Variants in SNX22 observed in about 807,000 individuals in gnomAD.
SNX22 encodes the protein sorting nexin 22, also known as sorting nexin-22.
A neutral mutation model predicts 24.7 loss-of-function variants in SNX22; 23 were observed. The ratio of observed to expected loss-of-function variants is 0.93; its 90% CI spans 0.67 to 1.32. The LOEUF is 1.32. SNX22 is among the 40% of genes most tolerant of loss of function. SNX22 has a pLI of 0.00. For missense variants in SNX22, 261 were observed against 249.9 expected (o/e 1.04, Z -0.30); for synonymous variants, 99 against 104.0 (o/e 0.95, Z 0.29).
At position 64,152,252 on chromosome 15, in the gene SNX22, G is replaced by A; in HGVS notation, c.85G>A (p.Val29Met). The A allele has an allele frequency of 2.1e-6, 3 of 1,433,848 alleles. No homozygotes were observed. In the South Asian group the frequency reaches 4.3e-5, roughly 21 times the overall value. 88.8% of individuals were successfully genotyped at this position (1,433,848 alleles called of 1,614,324 possible). A position where few individuals can be genotyped will look rare whatever the true frequency, so the allele number is the denominator to read the frequency against. Residue 29 changes from valine to methionine, a missense_variant, in exon 2 of 7, where the codon GTG becomes ATG. Val to Met is a conservative substitution (Grantham distance 21). Coordinates refer to ENST00000325881, the MANE Select transcript of SNX22 (RefSeq NM_024798.3). The part of the protein sequence containing the change: ...SPEKSHMVFR[V>M]EVLCSGRRHT... ...CCGCCCGCGCCGCCAGGTGTTCCGA[G>A]TGGAGGTGCTGTGCAGCGGGCGCAG... is the stretch of plus-strand genomic sequence containing the variant.
Position 64,156,750 on chromosome 15 carries a change from A to G in SNX22, c.*2242A>G, listed in dbSNP as rs762713590. On this transcript the variant is annotated 3_prime_UTR_variant, in exon 7 of 7. Transcript: ENST00000325881. This position sits in a 1 kb window ranked among gnomAD's most constrained non-coding sequence, Gnocchi z 6.4. ...CATGCCCTCTAGAACTTTGCCAAAC[A>G]CCACATGCTTGCCATCTAGCCAGGC... 1.1e-5 allele frequency: 17 copies of G among 1,614,000 alleles called. No individual in the cohort carries two copies. The highest frequency in any genetic ancestry group is 1.1e-5 in the Non-Finnish European group (13 of 1,180,032).
chr15:64,152,582 G>A, intron 2 of SNX22, 56 bp from the exon 3 acceptor site: 1 of 1,530,476 alleles, frequency 6.5e-7, no homozygotes. Flanking sequence ...CTGGGGCGAA[G>A]AGGGCTTGAG....
At chr15:64,152,406 G>A (rs746361346) in intron 2 of SNX22, 80 bp downstream of exon 2, 26 of 1,413,606 alleles carry the variant, frequency 1.8e-5, no homozygotes, top group Non-Finnish European at 2.0e-5. Flanking sequence ...GCGGGCGGGC[G>A]AGCCCCAGCC....
chr15:64,156,535 A>G lies in SNX22; in HGVS notation c.*2027A>G, dbSNP rs899749857. On this transcript the variant is annotated 3_prime_UTR_variant, in exon 7 of 7. Coordinates refer to ENST00000325881, the MANE Select transcript of SNX22 (RefSeq NM_024798.3). This position sits in a 1 kb window ranked among gnomAD's most constrained non-coding sequence, Gnocchi z 6.4. ...GTGCAGCCTTCCTGGCTGGGCTCTG[A>G]GGGGGCTGGAAGAATTTAGAACCTT... 6.6e-6 allele frequency: 5 copies of G among 757,496 alleles called. 1 individual carries two copies. Among genetic ancestry groups the G allele is most frequent in the Non-Finnish European group, 6.7e-6 (3 of 445,422 alleles). The allele number at this position is 757,496 out of a possible 1,614,324, so 46.9% of individuals were successfully genotyped here. A position where few individuals can be genotyped will look rare whatever the true frequency, so the allele number is the denominator to read the frequency against.
intron 6 of SNX22, 168 bp downstream of exon 6, chr15:64,154,170 T>G: frequency 6.3e-7 from 1 of 1,574,918 alleles, no homozygotes; most frequent in Non-Finnish European, 8.6e-7. Context: ...AAAACAAGTT[T>G]GGCTTCCCTG....
At chr15:64,151,918 G>C in intron 1 of SNX22, 68 bp downstream of exon 1, 1 of 1,415,760 alleles carries the variant, frequency 7.1e-7, no homozygotes, top group South Asian at 1.3e-5. Context: ...GCGCTCAGTG[G>C]GGACCCGGGG....
Position 64,152,229 on chromosome 15 carries a change from G to T in SNX22, c.76-14G>T. 1 of 1,391,888 alleles carries T rather than the reference G, an allele frequency of 7.2e-7. No homozygotes were observed. The highest frequency in any genetic ancestry group is 1.6e-5 in the South Asian group (1 of 61,738). The allele number at this position is 1,391,888 out of a possible 1,614,324, so 86.2% of individuals were successfully genotyped here. ...GGCCTCACGCGCAGACCCGCTGCCC[G>T]CCCGCGCCGCCAGGTGTTCCGAGTG... On this transcript the variant is annotated splice_polypyrimidine_tract_variant and intron_variant, in intron 1 of 6. Transcript: ENST00000325881.
At position 64,153,917 on chromosome 15, in the gene SNX22, G is replaced by T; in HGVS notation, c.393-18G>T. The T allele has an allele frequency of 6.2e-7, 1 of 1,608,782 alleles. No homozygotes were observed. The highest frequency in any genetic ancestry group is 1.1e-5 in the South Asian group (1 of 90,538). Reference sequence around the variant, plus strand: ...CCTGCCTCCCGCACCCATGGTTCATGACCCTGTTTCCTCCCAGCTCCCAGC... The same window carrying T: ...CCTGCCTCCCGCACCCATGGTTCATTACCCTGTTTCCTCCCAGCTCCCAGC... On this transcript the variant is annotated intron_variant, in intron 5 of 6. Transcript: ENST00000325881.
In SNX22 at chr15:64,155,971, C is replaced by A; in HGVS notation, c.*1463C>A. 6.2e-7 allele frequency: 1 copy of A among 1,612,928 alleles called. No individual in the cohort carries two copies. The highest frequency in any genetic ancestry group is 2.2e-5 in the East Asian group (1 of 44,876). On this transcript the variant is annotated 3_prime_UTR_variant, in exon 7 of 7. Coordinates refer to ENST00000325881, the MANE Select transcript of SNX22 (RefSeq NM_024798.3). ...GCCAGTGCAGCTCAGAGCCCTGTGG[C>A]GGACTACAGGGCCTGCACAGACGGT...
At chr15:64,152,158 G>T (rs1021685160) in intron 1 of SNX22, 85 bp from the exon 2 acceptor site, 2 of 1,239,824 alleles carry the variant, frequency 1.6e-6, no homozygotes, top group South Asian at 1.8e-5. Context: ...GAGAGCGGGA[G>T]GGTGGGCACG....
At chr15:64,154,140 C>T (rs960908315) in intron 6 of SNX22, 138 bp downstream of exon 6, 1 of 1,595,750 alleles carries the variant, frequency 6.3e-7, no homozygotes, top group African/African-American at 1.3e-5. Flanking sequence ...TCCCCTGGAG[C>T]CTGCTTTGTA....
intron 5 of SNX22, 36 bp from the exon 6 acceptor site, chr15:64,153,899 C>A (rs1293196804): frequency 6.2e-7 from 1 of 1,601,016 alleles, no homozygotes; most frequent in African/African-American, 1.3e-5. Context: ...TGCCCTGCCT[C>A]CCGCACCCAT....
Position 64,153,920 on chromosome 15 carries a change from C to T in SNX22, c.393-15C>T. 1.9e-6 allele frequency: 3 copies of T among 1,609,364 alleles called. No homozygotes were observed. The highest frequency in any genetic ancestry group is 2.5e-6 in the Non-Finnish European group (3 of 1,177,734). On this transcript the variant is annotated splice_polypyrimidine_tract_variant and intron_variant, in intron 5 of 6. Transcript: ENST00000325881. ...GCCTCCCGCACCCATGGTTCATGAC[C>T]CTGTTTCCTCCCAGCTCCCAGCAGC...
intron 3 of SNX22, chr15:64,153,002 C>T: frequency 1.6e-6 from 1 of 612,156 alleles, no homozygotes. Flanking sequence ...AGGTCCTGTG[C>T]TGCCCTCCTG....
At position 64,156,114 on chromosome 15, in the gene SNX22, GTCTT is replaced by G. The variant is rs137853869; in HGVS notation, c.*1607_*1610del. The G allele has an allele frequency of 3.1e-6, 5 of 1,614,104 alleles. No homozygotes were observed. Among genetic ancestry groups the G allele is most frequent in the Non-Finnish European group, 4.2e-6 (5 of 1,180,052 alleles). On this transcript the variant is annotated 3_prime_UTR_variant, in exon 7 of 7. Coordinates refer to ENST00000325881, the MANE Select transcript of SNX22 (RefSeq NM_024798.3). This position sits in a 1 kb window ranked among gnomAD's most constrained non-coding sequence, Gnocchi z 6.4. ...CTTCAGGGGTTTATCCCGGCTGTCT[GTCTT>G]GGTGCTCTCCACCTTCCGCACCACC...
At position 64,156,537 on chromosome 15, in the gene SNX22, G is replaced by T; in HGVS notation, c.*2029G>T. On this transcript the variant is annotated 3_prime_UTR_variant, in exon 7 of 7. Transcript: ENST00000325881. This position sits in a 1 kb window ranked among gnomAD's most constrained non-coding sequence, Gnocchi z 6.4. ...GCAGCCTTCCTGGCTGGGCTCTGAG[G>T]GGGCTGGAAGAATTTAGAACCTTGG... 1 of 767,620 alleles carries T rather than the reference G, an allele frequency of 1.3e-6. No individual in the cohort carries two copies. Among genetic ancestry groups the T allele is most frequent in the Non-Finnish European group, 2.2e-6 (1 of 452,996 alleles). The allele number at this position is 767,620 out of a possible 1,614,324, so 47.6% of individuals were successfully genotyped here. A position where few individuals can be genotyped will look rare whatever the true frequency, so the allele number is the denominator to read the frequency against.
Position 64,156,597 on chromosome 15 carries a change from G to T in SNX22, c.*2089G>T. The stretch of plus-strand genomic sequence containing the variant: ...GGTACAGGGTTTATTCTGGACAGGA[G>T]CACTGGGCTGCATCTGTGGGTTGGG... On this transcript the variant is annotated 3_prime_UTR_variant, in exon 7 of 7. Coordinates refer to ENST00000325881, the MANE Select transcript of SNX22 (RefSeq NM_024798.3). The surrounding 1 kb of genome is among the most constrained non-coding windows in gnomAD (Gnocchi z 6.4). 8.9e-7 allele frequency: 1 copy of T among 1,119,710 alleles called. No homozygotes were observed. Among genetic ancestry groups the T allele is most frequent in the African/African-American group, 1.5e-5 (1 of 65,350 alleles). 69.4% of individuals were successfully genotyped at this position (1,119,710 alleles called of 1,614,324 possible).
In SNX22 at chr15:64,152,719, C is replaced by G; in HGVS notation, c.241C>G (p.Gln81Glu). ...WRTRGLEQRR[Q>E]GLEAYIQGIL... ...GACCAGAGGGTTGGAACAGCGCCGGCAGGGCTTGGAGGCTTACATCCAGGT... is the reference window on the plus strand; with the variant it reads ...GACCAGAGGGTTGGAACAGCGCCGGGAGGGCTTGGAGGCTTACATCCAGGT... The change falls in exon 3 of 7, where the codon CAG (glutamine) becomes GAG (glutamate). Residue 81 changes from glutamine to glutamate, a missense_variant. By Grantham distance (29) the Gln-to-Glu change is conservative. Transcript: ENST00000325881. 10 of 1,614,204 alleles carry G rather than the reference C, an allele frequency of 6.2e-6. No homozygotes were observed. The highest frequency in any genetic ancestry group is 8.5e-6 in the Non-Finnish European group (10 of 1,180,020).
Position 64,156,988 on chromosome 15 carries a change from G to GC in SNX22, c.*2481dup. On this transcript the variant is annotated 3_prime_UTR_variant, in exon 7 of 7. Transcript: ENST00000325881. This position sits in a 1 kb window ranked among gnomAD's most constrained non-coding sequence, Gnocchi z 6.4. ...GACATTCGGGGCCAGGACTGAGGGG[G>GC]CTTAACCTGTCCTCTGTGCCAGGCT... is the stretch of plus-strand genomic sequence containing the variant. The GC allele has an allele frequency of 6.9e-7, 1 of 1,442,312 alleles. No homozygotes were observed. 89.3% of individuals were successfully genotyped at this position (1,442,312 alleles called of 1,614,324 possible). A position where few individuals can be genotyped will look rare whatever the true frequency, so the allele number is the denominator to read the frequency against.
Sources: gnomAD v4.1 joint callset for allele counts on GRCh38, gnomAD v4.1.1 for gene constraint, Gnocchi (gnomAD v3.1) non-coding constraint, MANE v1.5 for transcripts, NCBI Gene and HGNC (gene_info 2026-07-23, HGNC 2026-07-21) for gene names.